THSD4: variants seen among roughly 807,000 people sequenced by gnomAD.
The protein encoded by THSD4 is thrombospondin type-1 domain-containing protein 4.
In THSD4, 69 loss-of-function variants were observed where a neutral mutation model predicts 119.0. That is an observed-to-expected ratio of 0.58 (90% CI 0.48 to 0.71). The LOEUF (loss-of-function observed/expected upper bound fraction) is 0.71, where lower values mean the gene tolerates loss of function less well. THSD4 is among the 30% of genes least tolerant of loss of function. The probability of loss-of-function intolerance (pLI) is 0.00; values close to 1 mark genes in which losing one functional copy is unlikely to be tolerated. For synonymous variants in THSD4, 524 were observed against 540.4 expected (o/e 0.97, Z 0.42); for missense variants, 1,393 against 1,391.1 (o/e 1.00, Z -0.02).
At chr15:71,619,397 CCCAGGAGAG>C (rs2050380538) in intron 7 of THSD4, among the ~76,000 whole-genome samples, 1 of 152,146 alleles carries the variant, frequency 6.6e-6, no homozygotes, top group Non-Finnish European at 1.5e-5. Context: ...TCTCTGCGGA[CCCAGGAGAG>C]CCAGGATAGT....
intron 7 of THSD4, among the ~76,000 whole-genome samples, chr15:71,537,318 A>G (rs1481275487): frequency 2.0e-5 from 3 of 152,140 alleles, no homozygotes; most frequent in South Asian, 2.1e-4. Context: ...ATCTGGTCCT[A>G]TAACTGCTGC....
intron 7 of THSD4, among the ~76,000 whole-genome samples, chr15:71,473,912 A>G (rs2047620443): frequency 6.6e-6 from 1 of 152,178 alleles, no homozygotes; most frequent in African/African-American, 2.4e-5. Flanking sequence ...GGCCAATTAA[A>G]TTGGAATTTA....
intron 7 of THSD4, among the ~76,000 whole-genome samples, chr15:71,517,327 T>C (rs543551579): frequency 6.6e-6 from 1 of 152,260 alleles, no homozygotes; most frequent in Admixed American, 6.5e-5. Context: ...TCCCAGTCCA[T>C]GTCTCTCTTC....
chr15:71,283,051 C>T (rs1173032462), intron 6 of THSD4, among the ~76,000 whole-genome samples: 1 of 150,740 alleles, frequency 6.6e-6, no homozygotes, highest in Non-Finnish European at 1.5e-5. Context: ...CTCACTGCAG[C>T]CTCCACCTCC....
intron 7 of THSD4, among the ~76,000 whole-genome samples, chr15:71,453,818 C>T (rs527746783): frequency 2.6e-5 from 4 of 152,242 alleles, no homozygotes; most frequent in East Asian, 3.9e-4. Flanking sequence ...CCATCATAAC[C>T]GCCTGCTGGC....
chr15:71,776,744 A>C (rs1356301286), intron 17 of THSD4, among the ~76,000 whole-genome samples: 4 of 152,392 alleles, frequency 2.6e-5, no homozygotes, highest in Non-Finnish European at 2.9e-5. Flanking sequence ...GAAAATGATT[A>C]AATTGTGGAT....
intron 5 of THSD4, 105 bp downstream of exon 5, chr15:71,243,201 A>C: frequency 9.1e-7 from 1 of 1,098,438 alleles, no homozygotes; most frequent in South Asian, 1.6e-5. Context: ...TGTCTGGGCC[A>C]TGTTAACACA....
intron 5 of THSD4, among the ~76,000 whole-genome samples, chr15:71,250,790 A>G (rs2044251618): frequency 6.6e-6 from 1 of 152,222 alleles, no homozygotes; most frequent in Admixed American, 6.5e-5. Context: ...CGAATATTTA[A>G]AAATCTATGA....
At chr15:71,319,776 G>A (rs28651310) in intron 6 of THSD4, among the ~76,000 whole-genome samples, 22,278 of 152,114 alleles carry the variant, frequency 0.15, 1,691 homozygotes, top group South Asian at 0.29. Flanking sequence ...TGTTGGTGGT[G>A]CTGCCCTGTT....
intron 3 of THSD4, among the ~76,000 whole-genome samples, chr15:71,168,464 T>G (rs1004938408): frequency 5.9e-5 from 9 of 152,184 alleles, no homozygotes; most frequent in African/African-American, 2.2e-4. Context: ...TTAAAAATAT[T>G]TATGTTTATT....
rs113846289 is a variant in THSD4 at position 71,690,067 on chromosome 15, G to A, written c.1357+29333G>A. Among the ~76,000 whole-genome samples, 1,116 of 152,222 alleles carry A rather than the reference G, an allele frequency of 7.3e-3. 14 individuals are homozygous for A. Among genetic ancestry groups the A allele is most frequent in the African/African-American group, 0.026 (1,064 of 41,528 alleles). ...TCCAATTAAGATTTTTTATCCCAGT[G>A]GAATCAGATTCAATTAAGCATCAAA... is the stretch of plus-strand genomic sequence containing the variant. On this transcript the variant is annotated intron_variant, in intron 8 of 17. Transcript: ENST00000261862.
At chr15:71,377,914 A>ACACACACACACACACACACAC (rs57687864) in intron 6 of THSD4, among the ~76,000 whole-genome samples, 11 of 146,146 alleles carry the variant, frequency 7.5e-5, no homozygotes, top group African/African-American at 2.8e-4. Flanking sequence ...ACACACACAC[A>ACACACACACACACACACACAC]ATTTCCTTCA....
chr15:71,263,882 A>G (rs1440615147), intron 6 of THSD4, among the ~76,000 whole-genome samples: 3 of 152,248 alleles, frequency 2.0e-5, no homozygotes, highest in Non-Finnish European at 4.4e-5. Context: ...AGCTCCAGTG[A>G]AATTCCCTGA....
chr15:71,218,788 A>C (rs1167701134), intron 4 of THSD4, among the ~76,000 whole-genome samples: 1 of 152,184 alleles, frequency 6.6e-6, no homozygotes, highest in Non-Finnish European at 1.5e-5. Context: ...TTTGAGGAAA[A>C]GGCTGTTGGA....
intron 7 of THSD4, among the ~76,000 whole-genome samples, chr15:71,567,047 C>T (rs568231048): frequency 3.9e-5 from 6 of 152,238 alleles, no homozygotes; most frequent in South Asian, 4.1e-4. Context: ...GGCCCAACTT[C>T]GCATAGCAAC....
chr15:71,244,715 G>A (rs2044184437), intron 5 of THSD4, among the ~76,000 whole-genome samples: 1 of 152,198 alleles, frequency 6.6e-6, no homozygotes, highest in Non-Finnish European at 1.5e-5. Flanking sequence ...GGGATGGTAG[G>A]AAAGTGCTTT....
chr15:71,605,677 A>G (rs1400510934), intron 7 of THSD4, among the ~76,000 whole-genome samples: 1 of 152,224 alleles, frequency 6.6e-6, no homozygotes, highest in Non-Finnish European at 1.5e-5. Context: ...ACTAGATTTT[A>G]GACTGTAAAG....
intron 7 of THSD4, among the ~76,000 whole-genome samples, chr15:71,424,278 A>G (rs982344798): frequency 2.6e-5 from 4 of 152,204 alleles, no homozygotes; most frequent in South Asian, 2.1e-4. Context: ...TGCACTTTAG[A>G]CCCGAGAGCT....
chr15:71,331,198 C>T (rs1481208122), intron 6 of THSD4, among the ~76,000 whole-genome samples: 1 of 152,180 alleles, frequency 6.6e-6, no homozygotes, highest in Non-Finnish European at 1.5e-5. Context: ...GTGTGTTTGG[C>T]TTGTGATGGT....
Sources: allele counts gnomAD v4.1 joint callset (sites outside exome capture counted in the v4.1 genomes callset), GRCh38; gene constraint gnomAD v4.1.1; transcripts MANE v1.5; gene names NCBI Gene and HGNC (gene_info 2026-07-23, HGNC 2026-07-21).